DTNA: variants seen among roughly 807,000 people sequenced by gnomAD.
DTNA encodes the protein dystrophin-related protein 3.
Under a neutral mutation model 100.7 loss-of-function variants are expected in DTNA, and 43 were observed. The ratio of observed to expected loss-of-function variants is 0.43; its 90% CI spans 0.33 to 0.55. The LOEUF (loss-of-function observed/expected upper bound fraction) is 0.55. DTNA is among the 20% of genes least tolerant of loss of function. The pLI is 0.04. For missense variants in DTNA, 798 were observed against 953.9 expected, an observed-to-expected ratio of 0.84 and a Z score of 2.15; for synonymous variants, 349 against 347.9, an observed-to-expected ratio of 1.00 and a Z score of -0.04.
At chr18:34,806,884 G>T (rs2095373799) in intron 5 of DTNA, among the ~76,000 whole-genome samples, 1 of 152,136 alleles carries the variant, frequency 6.6e-6, no homozygotes, top group African/African-American at 2.4e-5. Context: ...CTCTAAATAT[G>T]GTAGAGTTCC....
chr18:34,863,034 A>G (rs758814410), intron 16 of DTNA, among the ~76,000 whole-genome samples: 31 of 152,228 alleles, frequency 2.0e-4, no homozygotes, highest in Non-Finnish European at 3.7e-4. Flanking sequence ...CAGTTTTAGT[A>G]TGTAAGTATG....
At chr18:34,645,413 A>G (rs536807003) in intron 1 of DTNA, among the ~76,000 whole-genome samples, 125 of 152,240 alleles carry the variant, frequency 8.2e-4, no homozygotes, top group Non-Finnish European at 1.4e-3. Flanking sequence ...CCCACCTTGT[A>G]ATGTGGGCAG....
intron 1 of DTNA, among the ~76,000 whole-genome samples, chr18:34,600,716 G>T (rs1328661608): frequency 6.6e-6 from 1 of 152,186 alleles, no homozygotes; most frequent in Non-Finnish European, 1.5e-5. Context: ...GTAGGTAAGA[G>T]ACATTTATTT....
At chr18:34,643,929 C>A (rs958463059) in intron 1 of DTNA, among the ~76,000 whole-genome samples, 1 of 151,790 alleles carries the variant, frequency 6.6e-6, no homozygotes, top group African/African-American at 2.4e-5. Flanking sequence ...CTAGATCTAC[C>A]CGGCTAGAAC....
chr18:34,831,626 G>C (rs913305681), intron 11 of DTNA, among the ~76,000 whole-genome samples: 1 of 152,172 alleles, frequency 6.6e-6, no homozygotes, highest in Non-Finnish European at 1.5e-5. Flanking sequence ...AAGTTGGCCA[G>C]GCACAGTGGC....
In DTNA at chr18:34,528,147, C is replaced by T. The variant is rs186283638; in HGVS notation, c.-2+34633C>T. ...ATACATGGCTTCTGTGAAGGCATGC[C>T]GTTGAAACCTGGATTTCCTGTACAA... On this transcript the variant is annotated intron_variant, in intron 1 of 19. Transcript: ENST00000283365. Among the ~76,000 whole-genome samples, 56 of 152,148 alleles carry T rather than the reference C, an allele frequency of 3.7e-4. No homozygotes were observed. In the East Asian group the frequency reaches 9.9e-3, roughly 27 times the overall value.
chr18:34,838,670 T>A lies in DTNA; in HGVS notation c.1254-75T>A, dbSNP rs1941753. 132,959 of 1,311,890 alleles carry A rather than the reference T, an allele frequency of 0.1. 7,531 individuals carry two copies. Among genetic ancestry groups the A allele is most frequent in the South Asian group, 0.11 (9,570 of 84,578 alleles). 81.3% of individuals were successfully genotyped at this position (1,311,890 alleles called of 1,614,324 possible). On this transcript the variant is annotated intron_variant, in intron 12 of 22. Transcript: ENST00000444659. ...TCTAAATGCCTTTTCTACCAAAAAC[T>A]CACTCCTACCTCCTCTACTTATTTC...
At chr18:34,883,999 C>A (rs148912670) in intron 21 of DTNA, among the ~76,000 whole-genome samples, 26 of 152,180 alleles carry the variant, frequency 1.7e-4, no homozygotes, top group Non-Finnish European at 3.4e-4. Flanking sequence ...GTTTTCCTTG[C>A]GCCTTCTATG....
intron 3 of DTNA, among the ~76,000 whole-genome samples, chr18:34,783,239 A>G (rs2094399738): frequency 6.6e-6 from 1 of 152,228 alleles, no homozygotes; most frequent in Non-Finnish European, 1.5e-5. Context: ...TGTGACAGCT[A>G]CTGAGTCAAC....
At chr18:34,546,426 C>G (rs1160124214) in intron 1 of DTNA, among the ~76,000 whole-genome samples, 1 of 152,022 alleles carries the variant, frequency 6.6e-6, no homozygotes, top group Non-Finnish European at 1.5e-5. Context: ...CCTCTTTAAT[C>G]AATGAGAAGG....
At position 34,875,352 on chromosome 18, in the gene DTNA, C is replaced by T. The variant is rs1437954707; in HGVS notation, c.1857C>T (p.Asp619=). 2 of 1,614,126 alleles carry T rather than the reference C, an allele frequency of 1.2e-6. No homozygotes were observed. Among genetic ancestry groups the T allele is most frequent in the Admixed American group, 3.3e-5 (2 of 60,012 alleles). ...ACSTPTHTPQ[D]SLTGVGGDVQ... is the part of the protein sequence containing the mutation. The stretch of plus-strand genomic sequence containing the variant: ...CCACCCCGACGCACACGCCGCAGGA[C>T]TCCCTCACAGGAGTAGGGGGAGATG... Residue 619 remains aspartate (D), a synonymous_variant, in exon 18 of 23, where the codon GAC becomes GAT. Coordinates refer to ENST00000444659, the MANE Select transcript of DTNA (RefSeq NM_001386795.1).
At chr18:34,721,966 G>T (rs1354890053) in intron 1 of DTNA, among the ~76,000 whole-genome samples, 3 of 152,132 alleles carry the variant, frequency 2.0e-5, no homozygotes, top group Non-Finnish European at 4.4e-5. Flanking sequence ...CAGTATTAGG[G>T]TTTTCCGGTT....
At chr18:34,549,118 TTC>T (rs1342749814) in intron 1 of DTNA, among the ~76,000 whole-genome samples, 1 of 152,066 alleles carries the variant, frequency 6.6e-6, no homozygotes, top group East Asian at 1.9e-4. Context: ...CTCTTTCCCT[TTC>T]TCTCTCTCTG....
chr18:34,768,905 A>G (rs1418483137), intron 3 of DTNA, among the ~76,000 whole-genome samples: 1 of 152,210 alleles, frequency 6.6e-6, no homozygotes, highest in East Asian at 1.9e-4. Context: ...AGAAATATGT[A>G]CATGGTATGT....
At chr18:34,700,744 C>T (rs922437173) in intron 1 of DTNA, among the ~76,000 whole-genome samples, 8 of 152,210 alleles carry the variant, frequency 5.3e-5, no homozygotes, top group Admixed American at 1.3e-4. Flanking sequence ...ATAGTCAGCT[C>T]ACACTCCTCC....
intron 22 of DTNA, among the ~76,000 whole-genome samples, chr18:34,886,668 G>A (rs556203705): frequency 1.3e-4 from 20 of 152,084 alleles, no homozygotes; most frequent in Non-Finnish European, 2.5e-4. Flanking sequence ...TAAATCTTTG[G>A]TTGCAAATTT....
intron 1 of DTNA, among the ~76,000 whole-genome samples, chr18:34,650,541 T>A (rs2060326287): frequency 6.6e-6 from 1 of 152,202 alleles, no homozygotes; most frequent in Admixed American, 6.5e-5. Flanking sequence ...ATCGTTTGAA[T>A]TTGAAGCCAG....
At chr18:34,771,260 G>A (rs189972663) in intron 3 of DTNA, among the ~76,000 whole-genome samples, 12 of 152,224 alleles carry the variant, frequency 7.9e-5, no homozygotes, top group South Asian at 2.1e-4. Flanking sequence ...AGCACTTTGG[G>A]AGGCCGAGGC....
chr18:34,761,466 T>C lies in DTNA; in HGVS notation c.68-4495T>C, dbSNP rs144351163. Among the ~76,000 whole-genome samples, 1,050 of 151,482 alleles carry C rather than the reference T, an allele frequency of 6.9e-3. 10 individuals are homozygous for C. The highest frequency in any genetic ancestry group is 9.7e-3 in the Admixed American group (147 of 15,218). The stretch of plus-strand genomic sequence containing the variant: ...TTGGTTGTTTGAATGAACAAATGAA[T>C]GGGTAGGGAAAAGGTGGAAGGAAAG... On this transcript the variant is annotated intron_variant, in intron 2 of 22. Coordinates refer to ENST00000444659, the MANE Select transcript of DTNA (RefSeq NM_001386795.1).
Sources: allele counts gnomAD v4.1 joint callset (sites outside exome capture counted in the v4.1 genomes callset), GRCh38; gene constraint gnomAD v4.1.1; transcripts MANE v1.5; gene names NCBI Gene and HGNC (gene_info 2026-07-23, HGNC 2026-07-21).